Variants in CDH17 observed in about 807,000 individuals in gnomAD.
The protein encoded by CDH17 is cadherin-17.
A neutral mutation model predicts 86.3 loss-of-function variants in CDH17; 67 were observed. The ratio of observed to expected loss-of-function variants is 0.78; its 90% CI spans 0.64 to 0.95. The LOEUF (loss-of-function observed/expected upper bound fraction) is 0.95. Among genes scored for constraint, CDH17 ranks in the 40% least tolerant of loss-of-function variants. CDH17 has a pLI of 0.00. For synonymous variants in CDH17, 367 were observed against 366.4 expected, an observed-to-expected ratio of 1.00 and a Z score of -0.02; for missense variants, 993 against 1,017.6, an observed-to-expected ratio of 0.98 and a Z score of 0.33.
intron 8 of CDH17, 142 bp from the exon 9 acceptor site, chr8:94,170,689 G>A: frequency 7.6e-7 from 1 of 1,313,170 alleles, no homozygotes; most frequent in Non-Finnish European, 1.0e-6. Context: ...AAACTGAGAT[G>A]GGTCAGAATT....
At chr8:94,146,638 T>TA (rs1812750652) in intron 14 of CDH17, among the ~76,000 whole-genome samples, 1 of 152,214 alleles carries the variant, frequency 6.6e-6, no homozygotes, top group Non-Finnish European at 1.5e-5. Context: ...ATGATAGGAG[T>TA]AAAAAACTTG....
intron 15 of CDH17, among the ~76,000 whole-genome samples, chr8:94,138,782 T>TCA (rs1812581499): frequency 6.6e-6 from 1 of 152,182 alleles, no homozygotes; most frequent in South Asian, 2.1e-4. Flanking sequence ...ATAGAAGGCT[T>TCA]CACCTCACAA....
At chr8:94,201,102 T>C (rs536752411) in intron 1 of CDH17, among the ~76,000 whole-genome samples, 5 of 152,292 alleles carry the variant, frequency 3.3e-5, no homozygotes, top group Admixed American at 2.0e-4. Context: ...AAAAGGTTTT[T>C]TCCCCCTACT....
Position 94,128,298 on chromosome 8 carries a change from T to G in CDH17, c.2441A>C (p.Lys814Thr), listed in dbSNP as rs1338304287. Residue 814 changes from lysine (K) to threonine (T), a missense_variant, in exon 18 of 18, where the codon AAA (lysine) becomes ACA (threonine). Physicochemically the swap from Lys to Thr is moderately conservative, Grantham distance 78. Coordinates refer to ENST00000027335, the MANE Select transcript of CDH17 (RefSeq NM_004063.4). ...AVVFIRIKKD[K>T]GKDNVESAQA... ...AGCACTTTCAACATTATCTTTGCCT[T>G]TATCCTTCTTTATGCGGATAAACAC... is the stretch of plus-strand genomic sequence containing the variant. 1 of 1,613,506 alleles carries G rather than the reference T, an allele frequency of 6.2e-7. No individual in the cohort carries two copies. Among genetic ancestry groups the G allele is most frequent in the Non-Finnish European group, 8.5e-7 (1 of 1,179,686 alleles).
intron 1 of CDH17, among the ~76,000 whole-genome samples, chr8:94,195,139 T>C (rs1813758311): frequency 6.6e-6 from 1 of 152,084 alleles, no homozygotes; most frequent in African/African-American, 2.4e-5. Flanking sequence ...GTAGCTGGGA[T>C]TACAAATGCC....
chr8:94,136,999 C>T (rs1812542569), intron 15 of CDH17, among the ~76,000 whole-genome samples: 1 of 152,162 alleles, frequency 6.6e-6, no homozygotes, highest in Non-Finnish European at 1.5e-5. Context: ...GCTGCCTGAT[C>T]CTTCCTCTGG....
chr8:94,191,489 T>C (rs1243868605), intron 2 of CDH17, among the ~76,000 whole-genome samples: 7 of 150,920 alleles, frequency 4.6e-5, no homozygotes, highest in African/African-American at 1.2e-4. Flanking sequence ...TTCACTTTTG[T>C]TGCCTAGGCT....
chr8:94,206,426 A>G (rs9643341), intron 1 of CDH17, among the ~76,000 whole-genome samples: 63,836 of 152,022 alleles, frequency 0.42, 14,577 homozygotes, highest in Middle Eastern at 0.54. Context: ...TTTTATGTCA[A>G]ATCTATACAT....
chr8:94,134,131 C>G (rs1362467486), intron 15 of CDH17, among the ~76,000 whole-genome samples: 1 of 152,128 alleles, frequency 6.6e-6, no homozygotes, highest in Non-Finnish European at 1.5e-5. Context: ...TTTGTTGTGT[C>G]TCTGCCAGAC....
chr8:94,161,857 G>T (rs1459593450), intron 11 of CDH17, among the ~76,000 whole-genome samples: 1 of 152,162 alleles, frequency 6.6e-6, no homozygotes, highest in African/African-American at 2.4e-5. Context: ...GAATAAATGA[G>T]CTATTGGCAG....
In CDH17 at chr8:94,160,125, C is replaced by A. The variant is rs1270538005; in HGVS notation, c.1397G>T (p.Gly466Val). Residue 466 changes from glycine (G) to valine (V), a missense_variant, in exon 12 of 18, where the codon GGG becomes GTG. Gly to Val is a moderately radical substitution (Grantham distance 109). Transcript: ENST00000027335. The stretch of plus-strand genomic sequence containing the variant: ...GGCCTGGATGGTTAAGATGGTGGAC[C>A]CAATGTTTGTGTCTTCAGCAAGAGT... ...NLTLAEDTNI[G>V]STILTIQATD... is the part of the protein sequence containing the mutation. The A allele has an allele frequency of 2.5e-6, 4 of 1,612,956 alleles. No individual in the cohort carries two copies. The highest frequency in any genetic ancestry group is 2.5e-6 in the Non-Finnish European group (3 of 1,179,552).
chr8:94,195,659 T>C (rs986023698), intron 1 of CDH17, among the ~76,000 whole-genome samples: 1 of 152,182 alleles, frequency 6.6e-6, no homozygotes, highest in Non-Finnish European at 1.5e-5. Context: ...TCATGACTAA[T>C]TGATTTTAAG....
chr8:94,146,796 C>T (rs1030143096), intron 14 of CDH17, among the ~76,000 whole-genome samples: 1 of 152,194 alleles, frequency 6.6e-6, no homozygotes, highest in Non-Finnish European at 1.5e-5. Context: ...ACACTAAGTG[C>T]TCAGTATGGG....
chr8:94,129,313 A>G (rs1348974265), intron 17 of CDH17, among the ~76,000 whole-genome samples: 1 of 152,184 alleles, frequency 6.6e-6, no homozygotes, highest in Non-Finnish European at 1.5e-5. Flanking sequence ...AGACAGCTCA[A>G]TTACCATGAA....
At chr8:94,205,129 C>T (rs1814000213) in intron 1 of CDH17, among the ~76,000 whole-genome samples, 1 of 152,128 alleles carries the variant, frequency 6.6e-6, no homozygotes, top group Admixed American at 6.5e-5. Context: ...CTCACGTGTG[C>T]AGCTATATAC....
intron 1 of CDH17, among the ~76,000 whole-genome samples, chr8:94,214,562 G>C (rs999731237): frequency 1.3e-4 from 19 of 151,970 alleles, no homozygotes; most frequent in South Asian, 2.1e-4. Context: ...AAGAAAGCAG[G>C]GGTAAATCTT....
intron 1 of CDH17, among the ~76,000 whole-genome samples, chr8:94,196,926 G>A (rs1307519008): frequency 1.3e-5 from 2 of 152,094 alleles, no homozygotes; most frequent in Non-Finnish European, 2.9e-5. Context: ...TAAAAGATTA[G>A]GCCAGCTTCT....
chr8:94,185,974 TTTGTTG>T (rs959796281), intron 3 of CDH17, among the ~76,000 whole-genome samples: 11 of 152,188 alleles, frequency 7.2e-5, no homozygotes, highest in African/African-American at 2.7e-4. Flanking sequence ...ATATCTGTTT[TTTGTTG>T]TTGTTGTTTG....
Position 94,165,839 on chromosome 8 carries a change from T to C in CDH17, c.1204A>G (p.Met402Val). 1.2e-6 allele frequency: 2 copies of C among 1,613,946 alleles called. No individual in the cohort carries two copies. Among genetic ancestry groups the C allele is most frequent in the Non-Finnish European group, 1.7e-6 (2 of 1,179,842 alleles). The change falls in exon 10 of 18, where the codon ATG becomes GTG. Residue 402 changes from methionine (M) to valine (V), a missense_variant. Transcript: ENST00000027335. Reference protein sequence around the residue: ...GLFLIQTYAGMLQLAKQSLKK... With the variant: ...GLFLIQTYAGVLQLAKQSLKK... ...AAGGACTGTTTAGCTAACTGTAACATTCCAGCATAGGTTTGGATTAGGAAG... is the reference window on the plus strand; with the variant it reads ...AAGGACTGTTTAGCTAACTGTAACACTCCAGCATAGGTTTGGATTAGGAAG...
Sources: gnomAD v4.1 joint callset for allele counts (sites outside exome capture counted in the v4.1 genomes callset) on GRCh38, gnomAD v4.1.1 for gene constraint, MANE v1.5 for transcripts, NCBI Gene and HGNC (gene_info 2026-07-23, HGNC 2026-07-21) for gene names.